USP20: variants seen among roughly 807,000 people sequenced by gnomAD.
USP20 encodes ubiquitin specific peptidase 20, also known as ubiquitin carboxyl-terminal hydrolase 20.
A neutral mutation model predicts 124.2 loss-of-function variants in USP20; 80 were observed. That is an observed-to-expected ratio of 0.64 (90% CI 0.54 to 0.78). The LOEUF is 0.78. Ranked by LOEUF, USP20 falls within the 30% of genes least tolerant of loss-of-function variation. USP20 has a pLI of 0.00. For synonymous variants in USP20, 481 were observed against 512.3 expected (o/e 0.94, Z 0.83); for missense variants, 1,043 against 1,244.4 (o/e 0.84, Z 2.44).
chr9:129,847,501 C>T (rs1024524743), intron 1 of USP20, among the ~76,000 whole-genome samples: 1 of 151,954 alleles, frequency 6.6e-6, no homozygotes, highest in Admixed American at 6.6e-5. Flanking sequence ...CAGGGTTTCA[C>T]CATGTTGGCC....
rs1245179747 is a variant in USP20 at position 129,870,682 on chromosome 9, T to TC, written c.1660+138dup. On this transcript the variant is annotated intron_variant, in intron 15 of 25. Transcript: ENST00000372429. ...GGCTAGACTTGGCTTCCAAGGTTGA[T>TC]CCCATCAGATACCCACGCCCACTGC... 8 of 1,000,128 alleles carry TC rather than the reference T, an allele frequency of 8.0e-6. No individual in the cohort carries two copies. In the African/African-American group the frequency reaches 1.3e-4, roughly 16 times the overall value. 62.0% of individuals were successfully genotyped at this position (1,000,128 alleles called of 1,614,324 possible).
chr9:129,858,049 G>C lies in USP20; in HGVS notation c.136-1G>C. The C allele has an allele frequency of 6.2e-7, 1 of 1,613,772 alleles. No homozygotes were observed. Among genetic ancestry groups the C allele is most frequent in the Non-Finnish European group, 8.5e-7 (1 of 1,179,846 alleles). ...TCCACTCTCCTTCCCTCTCTTCCCA[G>C]GTTGCCTGCCCCTATGTTGGCTGCG... On this transcript the variant is annotated splice_acceptor_variant, in intron 4 of 25. Transcript: ENST00000372429. LOFTEE classifies it high-confidence loss of function.
At chr9:129,858,342 G>A (rs976008762) in intron 5 of USP20, 125 bp from the exon 6 acceptor site, 11 of 1,447,158 alleles carry the variant, frequency 7.6e-6, no homozygotes, top group African/African-American at 5.7e-5. Flanking sequence ...AGCAAAATTT[G>A]AGCTTCCGGC....
intron 3 of USP20, among the ~76,000 whole-genome samples, chr9:129,854,322 A>C (rs747151074): frequency 6.6e-6 from 1 of 152,176 alleles, no homozygotes; most frequent in Non-Finnish European, 1.5e-5. Context: ...CGTTATTTAT[A>C]AAAGGGAAAA....
In USP20 at chr9:129,874,744, G is replaced by A. The variant is rs2034305210; in HGVS notation, c.1909G>A (p.Gly637Ser). The A allele has an allele frequency of 4.3e-6, 7 of 1,613,796 alleles. No individual in the cohort carries two copies. Among genetic ancestry groups the A allele is most frequent in the Non-Finnish European group, 5.9e-6 (7 of 1,179,994 alleles). Residue 637 changes from glycine (G) to serine (S), a missense_variant, in exon 18 of 26, where the codon GGC becomes AGC. Transcript: ENST00000372429. The stretch of plus-strand genomic sequence containing the variant: ...CCTCCTCTCGGTCATCTGCCACCAC[G>A]GCACGGCAGGCAGTGAGTCATGTCC... ...YDLLSVICHH[G>S]TAGSGHYIAY...
chr9:129,875,145 C>T (rs1274508927), intron 19 of USP20, among the ~76,000 whole-genome samples, 165 bp from the exon 20 acceptor site: 1 of 152,188 alleles, frequency 6.6e-6, no homozygotes, highest in Non-Finnish European at 1.5e-5. Context: ...TCTCCAGGGC[C>T]CTGGCTGGCG....
chr9:129,853,411 C>T (rs2033037476), intron 3 of USP20, among the ~76,000 whole-genome samples: 1 of 152,212 alleles, frequency 6.6e-6, no homozygotes, highest in Non-Finnish European at 1.5e-5. Flanking sequence ...GACTGATGCT[C>T]TCTGGGTGGA....
In USP20 at chr9:129,865,192, G is replaced by A. The variant is rs539118238; in HGVS notation, c.612-111G>A. On this transcript the variant is annotated intron_variant, in intron 9 of 25. Coordinates refer to ENST00000372429, the MANE Select transcript of USP20 (RefSeq NM_001110303.4). Reference sequence around the variant, plus strand: ...TGGCTGAGTAGGCCCCTCCCCAAATGTCAGGAAACGCCACACTCTGATCCA... The same window carrying A: ...TGGCTGAGTAGGCCCCTCCCCAAATATCAGGAAACGCCACACTCTGATCCA... 9.5e-6 allele frequency: 11 copies of A among 1,156,484 alleles called. No homozygotes were observed. The African/African-American group carries it at 1.7e-4, about 18-fold the overall frequency. The allele number at this position is 1,156,484 out of a possible 1,614,324, so 71.6% of individuals were successfully genotyped here.
intron 14 of USP20, 137 bp downstream of exon 14, chr9:129,869,981 C>T (rs2034036345): frequency 1.9e-6 from 2 of 1,040,444 alleles, no homozygotes; most frequent in South Asian, 1.6e-5. Context: ...CCGAAGCCTG[C>T]AGAGGAGTTG....
intron 6 of USP20, 128 bp downstream of exon 6, chr9:129,858,726 T>A: frequency 7.2e-7 from 1 of 1,388,454 alleles, no homozygotes; most frequent in Non-Finnish European, 9.7e-7. Context: ...GTCAGTATGT[T>A]TTCAGGTGAC....
At chr9:129,846,870 G>A (rs1220223151) in intron 1 of USP20, among the ~76,000 whole-genome samples, 1 of 151,808 alleles carries the variant, frequency 6.6e-6, no homozygotes, top group Non-Finnish European at 1.5e-5. Context: ...CAAGTGATCC[G>A]CCTGCCTCAG....
intron 14 of USP20, chr9:129,870,110 G>C (rs183432053): frequency 1.7e-6 from 1 of 575,698 alleles, no homozygotes; most frequent in Non-Finnish European, 3.1e-6. Flanking sequence ...AGGGAGGGCA[G>C]CAGCAGGACA....
intron 1 of USP20, among the ~76,000 whole-genome samples, chr9:129,846,969 A>T (rs2032614439): frequency 6.6e-6 from 1 of 152,186 alleles, no homozygotes; most frequent in African/African-American, 2.4e-5. Context: ...TTCATGTTGT[A>T]GCGTGTGTCA....
At chr9:129,870,051 G>A (rs1321842646) in intron 14 of USP20, 1 of 637,560 alleles carries the variant, frequency 1.6e-6, no homozygotes, top group African/African-American at 1.8e-5. Flanking sequence ...ATAGTCCCTT[G>A]GAGCTGGAGG....
At chr9:129,861,511 A>C in intron 7 of USP20, 32 bp from the exon 8 acceptor site, 1 of 1,608,350 alleles carries the variant, frequency 6.2e-7, no homozygotes, top group Non-Finnish European at 8.5e-7. Flanking sequence ...CAGGGTGCTC[A>C]CCTGCTCCTC....
intron 5 of USP20, 44 bp from the exon 6 acceptor site, chr9:129,858,423 T>G: frequency 6.2e-7 from 1 of 1,613,206 alleles, no homozygotes; most frequent in Non-Finnish European, 8.5e-7. Flanking sequence ...GGGCACTTGT[T>G]AGGCTAGAGT....
intron 1 of USP20, among the ~76,000 whole-genome samples, chr9:129,838,827 G>T (rs752270878): frequency 3.9e-5 from 6 of 152,216 alleles, no homozygotes; most frequent in Non-Finnish European, 7.3e-5. Flanking sequence ...CCAGTGACTG[G>T]CTGCAGCCTA....
intron 25 of USP20, 33 bp from the exon 26 acceptor site, chr9:129,880,429 TGGCCC>T (rs1424573533): frequency 9.7e-6 from 10 of 1,035,718 alleles, no homozygotes; most frequent in South Asian, 3.2e-5. Flanking sequence ...GCCCTGGACA[TGGCCC>T]GGCCCCACTG....
chr9:129,839,213 C>T lies in USP20; in HGVS notation c.-129+3714C>T, dbSNP rs546019166. Among the ~76,000 whole-genome samples, 42 of 152,268 alleles carry T rather than the reference C, an allele frequency of 2.8e-4. No homozygotes were observed. Among genetic ancestry groups the T allele is most frequent in the African/African-American group, 9.9e-4 (41 of 41,554 alleles). On this transcript the variant is annotated intron_variant, in intron 1 of 25. Transcript: ENST00000372429. The surrounding 1 kb of genome is among the most constrained non-coding windows in gnomAD (Gnocchi z 4.5). ...CCAGTTATTCCACTTCTCTGAGCCT[C>T]GGTGTCTCCATTGTTAGTGATGGAG...
Sources: allele counts gnomAD v4.1 joint callset (sites outside exome capture counted in the v4.1 genomes callset), GRCh38; gene constraint gnomAD v4.1.1; non-coding constraint Gnocchi (gnomAD v3.1); transcripts MANE v1.5; gene names NCBI Gene and HGNC (gene_info 2026-07-23, HGNC 2026-07-21).